The following TADA2B variants were observed in gnomAD, a reference collection of about 807,000 sequenced individuals.
TADA2B encodes transcriptional adapter 2-beta.
Under a neutral mutation model 34.5 loss-of-function variants are expected in TADA2B, and 13 were observed. The observed-to-expected ratio is 0.38, with a 90% CI of 0.25 to 0.60. TADA2B has a LOEUF of 0.60. Among genes scored for constraint, TADA2B ranks in the 20% least tolerant of loss-of-function variants. The pLI, the probability that TADA2B is intolerant of heterozygous loss-of-function variation, is 0.65. For missense variants in TADA2B, 442 were observed against 575.0 expected (o/e 0.77, Z 2.37); for synonymous variants, 240 against 243.4 (o/e 0.99, Z 0.13).
intron 1 of TADA2B, among the ~76,000 whole-genome samples, chr4:7,047,019 C>T (rs568470635): frequency 6.6e-6 from 1 of 152,180 alleles, no homozygotes; most frequent in East Asian, 1.9e-4. Context: ...GGTTAAAGGA[C>T]CTTGGCTACA....
At position 7,056,315 on chromosome 4, in the gene TADA2B, T is replaced by C. The variant is rs1173701363; in HGVS notation, c.*1261T>C. The C allele has an allele frequency of 6.6e-6, 1 of 152,670 alleles. No homozygotes were observed. Among genetic ancestry groups the C allele is most frequent in the East Asian group, 1.9e-4 (1 of 5,198 alleles). The allele number at this position is 152,670 out of a possible 1,614,324, so 9.5% of individuals were successfully genotyped here. Reference sequence around the variant, plus strand: ...GTCCACGGTACCTTCCTCCTGAAACTTGAGGAAGTCTTTTGTCTTCCAGCT... The same window carrying C: ...GTCCACGGTACCTTCCTCCTGAAACCTGAGGAAGTCTTTTGTCTTCCAGCT... On this transcript the variant is annotated 3_prime_UTR_variant, in exon 2 of 2. Transcript: ENST00000310074.
chr4:7,055,325 C>G lies in TADA2B; in HGVS notation c.*271C>G. ...CCGCCTTTACCCGTTCAGTTGGGAG[C>G]TTATTGTGAGATTGGATCATTTCCT... is the stretch of plus-strand genomic sequence containing the variant. On this transcript the variant is annotated 3_prime_UTR_variant, in exon 2 of 2. Transcript: ENST00000310074. 2.6e-6 allele frequency: 1 copy of G among 390,134 alleles called. No homozygotes were observed. The allele number at this position is 390,134 out of a possible 1,614,324, so 24.2% of individuals were successfully genotyped here.
At chr4:7,052,352 G>A (rs1297464777) in intron 1 of TADA2B, among the ~76,000 whole-genome samples, 1 of 152,260 alleles carries the variant, frequency 6.6e-6, no homozygotes, top group Non-Finnish European at 1.5e-5. Context: ...CCTAAAGGGC[G>A]GGCGTTAGGG....
At position 7,043,865 on chromosome 4, in the gene TADA2B, G is replaced by T. The variant is rs542598584; in HGVS notation, c.270+16G>T. On this transcript the variant is annotated intron_variant, in intron 1 of 1. Transcript: ENST00000310074. ...CGGAAACTGGGTGAGCGGCGCGACG[G>T]GGGCCGGGTCCCGGCTAGGGCACTG... 1.4e-6 allele frequency: 2 copies of T among 1,457,858 alleles called. No individual in the cohort carries two copies. Among genetic ancestry groups the T allele is most frequent in the East Asian group, 2.6e-5 (1 of 38,998 alleles). The allele number at this position is 1,457,858 out of a possible 1,614,324, so 90.3% of individuals were successfully genotyped here.
rs1024807243 is a variant in TADA2B, at chr4:7,052,742, T to C, written c.271-1320T>C. On this transcript the variant is annotated intron_variant, in intron 1 of 1. Coordinates refer to ENST00000310074, the MANE Select transcript of TADA2B (RefSeq NM_152293.3). The stretch of plus-strand genomic sequence containing the variant: ...GGGGAAATAAAATGAACAGATTTGC[T>C]ACAAACGGTGTTTTTAAAAGAAGCA... 4 of 5,666 alleles carry C rather than the reference T, an allele frequency of 7.1e-4. No homozygotes were observed. The African/African-American group carries it at 7.8e-3, about 11-fold the overall frequency. The allele number at this position is 5,666 out of a possible 1,614,324, so 0.4% of individuals were successfully genotyped here.
Position 7,043,747 on chromosome 4 carries a change from C to A in TADA2B, c.168C>A (p.Gly56=). Residue 56 remains glycine, a synonymous_variant, in exon 1 of 2, where the codon GGC becomes GGA. Coordinates refer to ENST00000310074, the MANE Select transcript of TADA2B (RefSeq NM_152293.3). ...RRYHGYQLVD[G]GRFTLWGPEA... ...ACCACGGCTACCAGCTGGTGGACGG[C>A]GGGCGCTTCACGCTCTGGGGGCCCG... 2 of 1,584,724 alleles carry A rather than the reference C, an allele frequency of 1.3e-6. No individual in the cohort carries two copies. The highest frequency in any genetic ancestry group is 1.7e-6 in the Non-Finnish European group (2 of 1,171,312).
intron 1 of TADA2B, among the ~76,000 whole-genome samples, chr4:7,046,925 A>C (rs534653913): frequency 3.9e-5 from 6 of 152,200 alleles, no homozygotes; most frequent in Admixed American, 2.0e-4. Flanking sequence ...GATGTAGCTG[A>C]GCAGGGTTAA....
rs185839474 is a variant in TADA2B at position 7,054,355 on chromosome 4, C to T, written c.564C>T (p.Leu188=). The change falls in exon 2 of 2, where the codon CTC becomes CTT. Residue 188 remains leucine, a synonymous_variant. Coordinates refer to ENST00000310074, the MANE Select transcript of TADA2B (RefSeq NM_152293.3). ...ATGCCGAGACGCTCATCAGCGGGCT[C>T]TCTGTCAACTATGATGACGACGACG... The part of the protein sequence containing the change: ...DQDAETLISG[L]SVNYDDDDVE... The T allele has an allele frequency of 4.3e-4, 697 of 1,613,568 alleles. 3 individuals carry two copies. The African/African-American group carries it at 8.2e-3, about 19-fold the overall frequency.
intron 1 of TADA2B, among the ~76,000 whole-genome samples, chr4:7,049,732 G>A (rs767398672): frequency 1.3e-5 from 2 of 152,250 alleles, no homozygotes; most frequent in East Asian, 1.9e-4. Context: ...GGGGTGACCC[G>A]GTGTCCTCAA....
intron 1 of TADA2B, chr4:7,045,833 A>T (rs1390071877): frequency 6.6e-6 from 1 of 152,262 alleles, no homozygotes; most frequent in Admixed American, 6.5e-5. Context: ...TGGAAAATAC[A>T]CAGAACACAA....
rs1723881899 is a variant in TADA2B at position 7,055,990 on chromosome 4, G to A, written c.*936G>A. Reference sequence around the variant, plus strand: ...AAGGCTAAGAGTTCTGAATTCTGGCGTCAGCTTCCTCAGGATTTTCTTCAG... The same window carrying A: ...AAGGCTAAGAGTTCTGAATTCTGGCATCAGCTTCCTCAGGATTTTCTTCAG... On this transcript the variant is annotated 3_prime_UTR_variant, in exon 2 of 2. Coordinates refer to ENST00000310074, the MANE Select transcript of TADA2B (RefSeq NM_152293.3). 1 of 152,374 alleles carries A rather than the reference G, an allele frequency of 6.6e-6. No homozygotes were observed. The highest frequency in any genetic ancestry group is 1.9e-4 in the East Asian group (1 of 5,192). 9.4% of individuals were successfully genotyped at this position (152,374 alleles called of 1,614,324 possible). A position where few individuals can be genotyped will look rare whatever the true frequency, so the allele number is the denominator to read the frequency against.
At chr4:7,051,172 G>C (rs1723758578) in intron 1 of TADA2B, among the ~76,000 whole-genome samples, 1 of 152,216 alleles carries the variant, frequency 6.6e-6, no homozygotes, top group Non-Finnish European at 1.5e-5. Context: ...GTTGAGCCCG[G>C]CCCTGGGGGT....
chr4:7,049,883 G>A (rs902091977), intron 1 of TADA2B, among the ~76,000 whole-genome samples: 2 of 152,260 alleles, frequency 1.3e-5, no homozygotes, highest in Non-Finnish European at 1.5e-5. Context: ...CTGTCCTGCC[G>A]CTAGCTGCAG....
intron 1 of TADA2B, among the ~76,000 whole-genome samples, chr4:7,044,466 G>A (rs1321377430): frequency 6.6e-6 from 1 of 152,198 alleles, no homozygotes; most frequent in African/African-American, 2.4e-5. Flanking sequence ...CTGGGGCTTG[G>A]GTTTTGCTCT....
chr4:7,047,200 G>T (rs988285022), intron 1 of TADA2B, among the ~76,000 whole-genome samples: 1 of 152,220 alleles, frequency 6.6e-6, no homozygotes, highest in Non-Finnish European at 1.5e-5. Flanking sequence ...AGGGCAAGTC[G>T]CAGTGGTGGC....
rs1307437672 is a variant in TADA2B at position 7,043,431 on chromosome 4, G to A, written c.-149G>A. 2.6e-5 allele frequency: 6 copies of A among 228,352 alleles called. No homozygotes were observed. Among genetic ancestry groups the A allele is most frequent in the Non-Finnish European group, 4.3e-5 (6 of 140,806 alleles). 14.1% of individuals were successfully genotyped at this position (228,352 alleles called of 1,614,324 possible). On this transcript the variant is annotated 5_prime_UTR_variant, in exon 1 of 2. Transcript: ENST00000310074. ...CGGCTGGCTGGCTCTGGCGGCGGCT[G>A]GGCTGGGGCCGCGGTGGCGGCAGCC...
In TADA2B at chr4:7,055,612, A is replaced by G. The variant is rs995171432; in HGVS notation, c.*558A>G. 1 of 152,696 alleles carries G rather than the reference A, an allele frequency of 6.5e-6. No homozygotes were observed. The highest frequency in any genetic ancestry group is 1.5e-5 in the Non-Finnish European group (1 of 68,368). The allele number at this position is 152,696 out of a possible 1,614,324, so 9.5% of individuals were successfully genotyped here. A position where few individuals can be genotyped will look rare whatever the true frequency, so the allele number is the denominator to read the frequency against. On this transcript the variant is annotated 3_prime_UTR_variant, in exon 2 of 2. Coordinates refer to ENST00000310074, the MANE Select transcript of TADA2B (RefSeq NM_152293.3). Reference sequence around the variant, plus strand: ...GATGAGGAAAATCAGGCCAGAGGACAACAGGCTGGCGTTTTGTTGGGAACT... The same window carrying G: ...GATGAGGAAAATCAGGCCAGAGGACGACAGGCTGGCGTTTTGTTGGGAACT...
intron 1 of TADA2B, chr4:7,045,076 G>C (rs1487154408): frequency 2.6e-5 from 4 of 152,308 alleles, no homozygotes; most frequent in African/African-American, 9.7e-5. Flanking sequence ...CATGTGTTCT[G>C]TGCGGATTCT....
chr4:7,047,780 A>G (rs1723670582), intron 1 of TADA2B, among the ~76,000 whole-genome samples: 1 of 152,188 alleles, frequency 6.6e-6, no homozygotes, highest in Non-Finnish European at 1.5e-5. Flanking sequence ...GCCAGGCAAA[A>G]GCCAGCTTGG....
Sources: gnomAD v4.1 joint callset for allele counts (sites outside exome capture counted in the v4.1 genomes callset) on GRCh38, gnomAD v4.1.1 for gene constraint, MANE v1.5 for transcripts, NCBI Gene and HGNC (gene_info 2026-07-23, HGNC 2026-07-21) for gene names.